The following ATRNL1 variants were observed in gnomAD, a reference collection of about 807,000 sequenced individuals.
The protein encoded by ATRNL1 is attractin like 1, also known as attractin-like protein 1.
Under a neutral mutation model 182.7 loss-of-function variants are expected in ATRNL1, and 95 were observed. The observed-to-expected ratio is 0.52, with a 90% CI of 0.44 to 0.62. The LOEUF is 0.62. ATRNL1 is among the 20% of genes least tolerant of loss of function. ATRNL1 has a pLI of 0.00. For missense variants in ATRNL1, 1,471 were observed against 1,679.5 expected (o/e 0.88, Z 2.17); for synonymous variants, 576 against 568.3 (o/e 1.01, Z -0.19).
At chr10:115,195,051 T>C (rs141964828) in intron 8 of ATRNL1, among the ~76,000 whole-genome samples, 134 of 152,210 alleles carry the variant, frequency 8.8e-4, no homozygotes, top group African/African-American at 3.1e-3. Flanking sequence ...TATCTTTTTA[T>C]ACAGTCTACC....
At chr10:115,507,569 A>G (rs782466179) in intron 24 of ATRNL1, among the ~76,000 whole-genome samples, 14 of 152,056 alleles carry the variant, frequency 9.2e-5, no homozygotes, top group Non-Finnish European at 1.5e-4. Flanking sequence ...CAGCTTCACT[A>G]CTTATTGACT....
intron 27 of ATRNL1, among the ~76,000 whole-genome samples, chr10:115,802,513 C>CA (rs1949822016): frequency 6.6e-6 from 1 of 152,184 alleles, no homozygotes; most frequent in African/African-American, 2.4e-5. Flanking sequence ...ATTATAAATA[C>CA]AATTCATTTG....
chr10:115,222,581 C>A (rs1008357983), intron 9 of ATRNL1, among the ~76,000 whole-genome samples: 5 of 152,014 alleles, frequency 3.3e-5, no homozygotes, highest in Non-Finnish European at 7.4e-5. Context: ...GGCATATTTC[C>A]TTTAAAGGAA....
At chr10:115,933,438 C>A (rs1417599159) in intron 28 of ATRNL1, among the ~76,000 whole-genome samples, 3 of 134,086 alleles carry the variant, frequency 2.2e-5, no homozygotes, top group South Asian at 2.1e-4. Context: ...AGTCCTTGAG[C>A]CCATCCAGTC....
At chr10:115,221,163 G>A (rs1554897367) in intron 9 of ATRNL1, among the ~76,000 whole-genome samples, 3 of 152,196 alleles carry the variant, frequency 2.0e-5, no homozygotes, top group African/African-American at 7.2e-5. Flanking sequence ...AGGCAGTAAT[G>A]CGAGTGATGG....
intron 19 of ATRNL1, among the ~76,000 whole-genome samples, chr10:115,338,247 A>G (rs782638305): frequency 3.9e-4 from 59 of 152,210 alleles, no homozygotes; most frequent in Non-Finnish European, 8.1e-4. Flanking sequence ...TTTAAGGTTT[A>G]TACCCAGCCA....
At chr10:115,650,890 T>A (rs1555034144) in intron 26 of ATRNL1, among the ~76,000 whole-genome samples, 1 of 152,128 alleles carries the variant, frequency 6.6e-6, no homozygotes, top group Non-Finnish European at 1.5e-5. Context: ...ACTTGAATAA[T>A]CTCTCTCTGC....
At chr10:115,146,081 A>G (rs1295432614) in intron 5 of ATRNL1, among the ~76,000 whole-genome samples, 3 of 151,966 alleles carry the variant, frequency 2.0e-5, no homozygotes, top group African/African-American at 7.2e-5. Context: ...TCTTTAAAAT[A>G]CCCAAAATTA....
At chr10:115,331,226 A>AT (rs1203217327) in intron 18 of ATRNL1, among the ~76,000 whole-genome samples, 2 of 151,702 alleles carry the variant, frequency 1.3e-5, no homozygotes, top group Admixed American at 6.6e-5. Flanking sequence ...AGCCTGGCTA[A>AT]TTTTTTTGTA....
At position 115,281,383 on chromosome 10, in the gene ATRNL1, T is replaced by G; in HGVS notation, c.2129T>G (p.Val710Gly). 4.3e-6 allele frequency: 7 copies of G among 1,613,134 alleles called. No individual in the cohort carries two copies. Among genetic ancestry groups the G allele is most frequent in the Non-Finnish European group, 5.9e-6 (7 of 1,179,510 alleles). ...GTCAAGAACTACACCAAATGTCATG[T>G]GAGAAATGAGCAGATTTGTAACAAA... ...MSVKNYTKCH[V>G]RNEQICNKLT... The change falls in exon 14 of 29, where the codon GTG becomes GGG. Residue 710 changes from valine to glycine, a missense_variant. By Grantham distance (109) the Val-to-Gly change is moderately radical. Transcript: ENST00000355044.
At chr10:115,214,140 T>A (rs1030498454) in intron 8 of ATRNL1, among the ~76,000 whole-genome samples, 1 of 151,944 alleles carries the variant, frequency 6.6e-6, no homozygotes, top group Non-Finnish European at 1.5e-5. Context: ...AGAACTGTAG[T>A]TTGAAAATAG....
intron 27 of ATRNL1, among the ~76,000 whole-genome samples, chr10:115,824,472 A>G (rs187397311): frequency 5.3e-5 from 8 of 152,322 alleles, no homozygotes; most frequent in Admixed American, 3.3e-4. Flanking sequence ...AAAGGAAACT[A>G]TCATCAGAGT....
chr10:115,339,819 A>G (rs1554937730), intron 19 of ATRNL1, among the ~76,000 whole-genome samples: 1 of 152,130 alleles, frequency 6.6e-6, no homozygotes, highest in Non-Finnish European at 1.5e-5. Context: ...CCCCTTCAGT[A>G]TGATACTAGC....
intron 13 of ATRNL1, among the ~76,000 whole-genome samples, chr10:115,269,858 A>G (rs1274083341): frequency 1.3e-5 from 2 of 149,774 alleles, no homozygotes; most frequent in Admixed American, 6.7e-5. Flanking sequence ...CTAATTAATA[A>G]TTCAAAATAT....
chr10:115,769,509 A>G (rs1185071866), intron 27 of ATRNL1, among the ~76,000 whole-genome samples: 6 of 152,162 alleles, frequency 3.9e-5, no homozygotes, highest in Admixed American at 3.9e-4. Flanking sequence ...TACTTACTTT[A>G]TAAAATTATT....
intron 13 of ATRNL1, among the ~76,000 whole-genome samples, chr10:115,268,932 C>T (rs1229118823): frequency 2.0e-5 from 3 of 152,112 alleles, no homozygotes; most frequent in Non-Finnish European, 4.4e-5. Context: ...CAAGTTGAGG[C>T]AATTTTGTCT....
intron 18 of ATRNL1, among the ~76,000 whole-genome samples, chr10:115,322,859 A>G (rs1481564430): frequency 1.3e-5 from 2 of 152,008 alleles, no homozygotes; most frequent in Non-Finnish European, 2.9e-5. Flanking sequence ...TGTTAATCTT[A>G]TTGGGCTTTT....
intron 25 of ATRNL1, among the ~76,000 whole-genome samples, chr10:115,526,040 C>T (rs72822690): frequency 6.6e-6 from 1 of 152,266 alleles, no homozygotes; most frequent in Non-Finnish European, 1.5e-5. Flanking sequence ...TGTGAGGGGG[C>T]ACCTGTTACC....
At chr10:115,377,629 T>C (rs1427590322) in intron 19 of ATRNL1, among the ~76,000 whole-genome samples, 2 of 152,200 alleles carry the variant, frequency 1.3e-5, no homozygotes, top group Non-Finnish European at 2.9e-5. Context: ...CTATATAGCC[T>C]TGCACCAGTA....
Sources: gnomAD v4.1 joint callset for allele counts (sites outside exome capture counted in the v4.1 genomes callset) on GRCh38, gnomAD v4.1.1 for gene constraint, MANE v1.5 for transcripts, NCBI Gene and HGNC (gene_info 2026-07-23, HGNC 2026-07-21) for gene names.